The following ITGAM variants were observed in gnomAD, a reference collection of about 807,000 sequenced individuals.
ITGAM encodes the protein integrin alpha-M.
A neutral mutation model predicts 137.5 loss-of-function variants in ITGAM; 79 were observed. That is an observed-to-expected ratio of 0.57 (90% CI 0.48 to 0.69). ITGAM has a LOEUF of 0.69. Ranked by LOEUF, ITGAM falls within the 30% of genes least tolerant of loss-of-function variation. ITGAM has a pLI of 0.00. For synonymous variants in ITGAM, 583 were observed against 592.3 expected (o/e 0.98, Z 0.23); for missense variants, 1,343 against 1,483.5 (o/e 0.91, Z 1.56).
intron 14 of ITGAM, among the ~76,000 whole-genome samples, chr16:31,298,384 T>C (rs1458619403): frequency 1.3e-5 from 2 of 151,932 alleles, no homozygotes; most frequent in South Asian, 2.1e-4. Context: ...TGCACATGCA[T>C]GCGTGCACGT....
In ITGAM at chr16:31,300,939, T is replaced by G. The variant is rs1464598032; in HGVS notation, c.1707+2985T>G. Among the ~76,000 whole-genome samples, 4 of 152,080 alleles carry G rather than the reference T, an allele frequency of 2.6e-5. No homozygotes were observed. The East Asian group carries it at 7.7e-4, about 29-fold the overall frequency. On this transcript the variant is annotated intron_variant, in intron 14 of 29. Coordinates refer to ENST00000544665, the MANE Select transcript of ITGAM (RefSeq NM_000632.4). The stretch of plus-strand genomic sequence containing the variant: ...AAAAAGAGAAAAGTTATTAGATTTT[T>G]TGCTATTGAGTTGTATGAGTTCACT...
intron 29 of ITGAM, 103 bp from the exon 30 acceptor site, chr16:31,331,533 G>GGGGCCCA: frequency 1.5e-6 from 1 of 656,282 alleles, no homozygotes; most frequent in Non-Finnish European, 2.7e-6. Context: ...CGCCCTCCTG[G>GGGGCCCA]GTCCCTTCTG....
chr16:31,265,750 C>A, intron 3 of ITGAM, 61 bp from the exon 4 acceptor site: 4 of 1,472,110 alleles, frequency 2.7e-6, no homozygotes, highest in Non-Finnish European at 3.8e-6. Flanking sequence ...CCCTGCCCAG[C>A]TCTTCCACAG....
chr16:31,327,008 T>G, intron 22 of ITGAM, 73 bp downstream of exon 22: 1 of 1,080,652 alleles, frequency 9.3e-7, no homozygotes, highest in Non-Finnish European at 1.4e-6. Context: ...TGGTGGGCCT[T>G]TGCCCTTTGC....
chr16:31,289,009 C>T (rs537636886), intron 12 of ITGAM, among the ~76,000 whole-genome samples: 2 of 152,310 alleles, frequency 1.3e-5, no homozygotes, highest in East Asian at 1.9e-4. Context: ...AAAAAATGCT[C>T]ATCATCACTG....
chr16:31,260,803 T>G (rs1596961773), intron 1 of ITGAM, among the ~76,000 whole-genome samples: 1 of 152,178 alleles, frequency 6.6e-6, no homozygotes, highest in Admixed American at 6.5e-5. Context: ...GCCCACGACC[T>G]GTTTTTGCAC....
intron 1 of ITGAM, 38 bp from the exon 2 acceptor site, chr16:31,261,654 C>CT (rs776153198): frequency 3.1e-5 from 44 of 1,402,338 alleles, no homozygotes; most frequent in Non-Finnish European, 3.0e-6. Context: ...TGGCATGCTA[C>CT]TTTCCTCTGC....
intron 2 of ITGAM, among the ~76,000 whole-genome samples, chr16:31,265,166 T>G (rs1017576458): frequency 6.6e-6 from 1 of 152,140 alleles, no homozygotes; most frequent in African/African-American, 2.4e-5. Context: ...CCGCGCCTGG[T>G]CCTATTTTTA....
intron 14 of ITGAM, among the ~76,000 whole-genome samples, chr16:31,308,099 C>T (rs1238007331): frequency 6.6e-6 from 1 of 152,078 alleles, no homozygotes; most frequent in Admixed American, 6.6e-5. Context: ...GGATATTGGT[C>T]TAAAATTCTC....
chr16:31,269,982 C>T (rs1248497245), intron 5 of ITGAM, among the ~76,000 whole-genome samples: 4 of 152,190 alleles, frequency 2.6e-5, no homozygotes, highest in South Asian at 2.1e-4. Context: ...CAGAGCTGAG[C>T]GGCAATGGGT....
chr16:31,297,471 T>G, intron 12 of ITGAM, 43 bp from the exon 13 acceptor site: 1 of 1,609,638 alleles, frequency 6.2e-7, no homozygotes, highest in African/African-American at 1.3e-5. Flanking sequence ...CACATCTGCT[T>G]TAGGTGGGAA....
chr16:31,295,911 G>T (rs1435646720), intron 12 of ITGAM, among the ~76,000 whole-genome samples: 1 of 151,742 alleles, frequency 6.6e-6, no homozygotes, highest in South Asian at 2.1e-4. Flanking sequence ...CGAATTTATT[G>T]AGAGTTTTTA....
chr16:31,262,337 A>ATCCATCCT (rs2079710937), intron 2 of ITGAM, among the ~76,000 whole-genome samples: 13 of 89,108 alleles, frequency 1.5e-4, no homozygotes, highest in African/African-American at 4.8e-4. Flanking sequence ...CCTCCCTTCC[A>ATCCATCCT]TCCTTCCTTC....
intron 12 of ITGAM, among the ~76,000 whole-genome samples, chr16:31,291,984 G>A (rs146286338): frequency 3.9e-5 from 6 of 152,062 alleles, no homozygotes; most frequent in East Asian, 3.9e-4. Flanking sequence ...TTGAGGCAAC[G>A]GATATCCCAG....
chr16:31,261,212 T>C (rs2144241029), intron 1 of ITGAM, among the ~76,000 whole-genome samples: 1 of 151,208 alleles, frequency 6.6e-6, no homozygotes, highest in African/African-American at 2.4e-5. Flanking sequence ...TTTTTTTTTT[T>C]TTTTTTTTGA....
At chr16:31,305,191 C>A (rs887532364) in intron 14 of ITGAM, among the ~76,000 whole-genome samples, 1 of 152,004 alleles carries the variant, frequency 6.6e-6, no homozygotes, top group South Asian at 2.1e-4. Context: ...TAACTATATT[C>A]CTAGGCATTT....
At chr16:31,303,515 C>G (rs529341006) in intron 14 of ITGAM, among the ~76,000 whole-genome samples, 1 of 152,078 alleles carries the variant, frequency 6.6e-6, no homozygotes, top group South Asian at 2.1e-4. Flanking sequence ...TGAATGAATT[C>G]TATAGTGGTG....
intron 5 of ITGAM, among the ~76,000 whole-genome samples, chr16:31,270,103 A>ATCCTTCCTTCCT (rs371263313): frequency 1.4e-3 from 195 of 140,126 alleles, no homozygotes; most frequent in African/African-American, 5.2e-3. Context: ...TATCTGGCAA[A>ATCCTTCCTTCCT]TCCTTCCTTC....
chr16:31,259,983 G>T lies in ITGAM; in HGVS notation c.-82G>T. The T allele has an allele frequency of 8.2e-7, 1 of 1,223,078 alleles. No homozygotes were observed. The allele number at this position is 1,223,078 out of a possible 1,614,324, so 75.8% of individuals were successfully genotyped here. On this transcript the variant is annotated 5_prime_UTR_variant, in exon 1 of 30. Coordinates refer to ENST00000544665, the MANE Select transcript of ITGAM (RefSeq NM_000632.4). ...TACTTCTCCTTTTCTGCCCTTCTTTGCTTTGGTGGCTTCCTTGTGGTTCCT... is the reference window on the plus strand; with the variant it reads ...TACTTCTCCTTTTCTGCCCTTCTTTTCTTTGGTGGCTTCCTTGTGGTTCCT...
Sources: allele counts gnomAD v4.1 joint callset (sites outside exome capture counted in the v4.1 genomes callset), GRCh38; gene constraint gnomAD v4.1.1; transcripts MANE v1.5; gene names NCBI Gene and HGNC (gene_info 2026-07-23, HGNC 2026-07-21).